Variants in AKT1S1 observed in about 807,000 individuals in gnomAD.
AKT1S1 encodes the protein AKT1 substrate 1, also known as proline-rich AKT1 substrate 1.
In AKT1S1, 17 loss-of-function variants were observed where a neutral mutation model predicts 21.2. The observed-to-expected ratio is 0.80, with a 90% CI of 0.55 to 1.20. AKT1S1 has a LOEUF of 1.20. Ranked by LOEUF, AKT1S1 falls within the 50% of genes most tolerant of loss-of-function variation. AKT1S1 has a pLI of 0.00. For synonymous variants in AKT1S1, 181 were observed against 165.6 expected, an observed-to-expected ratio of 1.09 and a Z score of -0.72; for missense variants, 366 against 368.3, an observed-to-expected ratio of 0.99 and a Z score of 0.05.
upstream of AKT1S1, chr19:49,878,028 T>C (rs1052554912): frequency 6.8e-6 from 6 of 883,550 alleles, no homozygotes; most frequent in East Asian, 5.5e-5. Flanking sequence ...CCCGGGGCAA[T>C]GGCCCTCCCG....
chr19:49,878,216 C>G (rs1250689785), upstream of AKT1S1: 3 of 1,561,946 alleles, frequency 1.9e-6, no homozygotes, highest in South Asian at 1.2e-5. Flanking sequence ...TCTCTCATCG[C>G]TGGTGTCATC....
intron 1 of AKT1S1, chr19:49,875,901 T>A (rs1374807440): frequency 1.0e-6 from 1 of 985,298 alleles, no homozygotes; most frequent in Non-Finnish European, 1.2e-6. Context: ...AGGTCCTGTT[T>A]CCTCCAAGGA....
Position 49,877,318 on chromosome 19 carries a change from A to T in AKT1S1, c.-89T>A, listed in dbSNP as rs747307094. The T allele has an allele frequency of 1.9e-5, 4 of 213,540 alleles. No individual in the cohort carries two copies. Among genetic ancestry groups the T allele is most frequent in the Non-Finnish European group, 3.8e-5 (4 of 105,570 alleles). The allele number at this position is 213,540 out of a possible 1,614,324, so 13.2% of individuals were successfully genotyped here. ...GACAGCCCCGTATTAACATGGCCTT[A>T]GCTGACCGGCTTAGGCCATGCCCTC... On this transcript the variant is annotated 5_prime_UTR_variant, in exon 1 of 5. Coordinates refer to ENST00000344175, the MANE Select transcript of AKT1S1 (RefSeq NM_001098633.4).
intron 2 of AKT1S1, 140 bp downstream of exon 2, chr19:49,872,777 G>GGCAAGCC: frequency 9.4e-7 from 1 of 1,066,946 alleles, no homozygotes; most frequent in Non-Finnish European, 1.3e-6. Flanking sequence ...GCAAGCCCCA[G>GGCAAGCC]GCAAGCCTGT....
chr19:49,877,934 G>A (rs1210324464), upstream of AKT1S1: 1 of 769,294 alleles, frequency 1.3e-6, no homozygotes, highest in East Asian at 2.8e-5. Flanking sequence ...CGCCCCCCCG[G>A]CTCAGGCGAC....
At chr19:49,877,992 G>A, upstream of AKT1S1, 1 of 759,418 alleles carries the variant, frequency 1.3e-6, no homozygotes, top group Non-Finnish European at 2.1e-6. Flanking sequence ...TCCGAACGCG[G>A]GCTGGACCAT....
intron 2 of AKT1S1, among the ~76,000 whole-genome samples, chr19:49,872,116 C>T (rs146875378): frequency 3.3e-5 from 5 of 152,320 alleles, no homozygotes; most frequent in Non-Finnish European, 5.9e-5. Flanking sequence ...CTGCACACAA[C>T]GGGCTGCTAA....
chr19:49,876,466 G>C, intron 1 of AKT1S1: 20 of 1,184,030 alleles, frequency 1.7e-5, no homozygotes, highest in Non-Finnish European at 2.2e-5. Flanking sequence ...CTCAGCAAAG[G>C]ATCGCTGGCA....
intron 1 of AKT1S1, among the ~76,000 whole-genome samples, chr19:49,875,452 C>A (rs955229146): frequency 1.3e-5 from 2 of 152,078 alleles, no homozygotes; most frequent in Admixed American, 1.3e-4. Flanking sequence ...ACTGCCCAGC[C>A]CCAAAACCCC....
At chr19:49,878,251 G>A (rs371372629), upstream of AKT1S1, 22 of 1,554,646 alleles carry the variant, frequency 1.4e-5, no homozygotes, top group Non-Finnish European at 1.8e-5. Flanking sequence ...GGTGCGCTGG[G>A]AGGGAGCAGG....
chr19:49,872,099 C>A (rs994536884), intron 2 of AKT1S1, among the ~76,000 whole-genome samples: 20 of 152,232 alleles, frequency 1.3e-4, no homozygotes, highest in African/African-American at 4.1e-4. Context: ...ATCTGCCACC[C>A]TCTCAGCTGC....
intron 1 of AKT1S1, chr19:49,876,469 C>G: frequency 8.4e-7 from 1 of 1,188,862 alleles, no homozygotes; most frequent in Admixed American, 4.2e-5. Context: ...AGCAAAGGAT[C>G]GCTGGCAGAC....
chr19:49,871,399 C>G (rs1025201552), intron 4 of AKT1S1, 148 bp downstream of exon 4: 2 of 1,071,024 alleles, frequency 1.9e-6, no homozygotes, highest in South Asian at 2.8e-5. Context: ...CTGCAAGGCT[C>G]GTGTCCAAGA....
rs2074943638 is a variant in AKT1S1 at position 49,876,316 on chromosome 19, C to T, written c.-8+921G>A. On this transcript the variant is annotated intron_variant, in intron 1 of 4. Transcript: ENST00000344175. ...ACGGGTGAGGGGCGCCCCGAGGCCC[C>T]CCAAACCATCCCCCGACCCCGTGGA... is the stretch of plus-strand genomic sequence containing the variant. The T allele has an allele frequency of 5.0e-6, 6 of 1,207,740 alleles. No individual in the cohort carries two copies. The East Asian group carries it at 2.0e-4, about 40-fold the overall frequency. The allele number at this position is 1,207,740 out of a possible 1,614,324, so 74.8% of individuals were successfully genotyped here.
intron 1 of AKT1S1, chr19:49,876,075 G>A: frequency 9.1e-6 from 9 of 985,894 alleles, no homozygotes; most frequent in Non-Finnish European, 1.1e-5. Context: ...GAGAGGGGTG[G>A]AACCACCCCT....
rs185785898 is a variant in AKT1S1, at chr19:49,875,755, C to A, written c.-8+1482G>T. 3.6e-3 allele frequency: 2,634 copies of A among 740,804 alleles called. 7 individuals are homozygous for A. The highest frequency in any genetic ancestry group is 4.1e-3 in the Non-Finnish European group (2,485 of 607,074). The allele number at this position is 740,804 out of a possible 1,614,324, so 45.9% of individuals were successfully genotyped here. On this transcript the variant is annotated intron_variant, in intron 1 of 4. Coordinates refer to ENST00000344175, the MANE Select transcript of AKT1S1 (RefSeq NM_001098633.4). ...GAGTGAGTTGTGAGGGCTCCCCCAA[C>A]TCAGGAGACATGAGCAAAAAGGACA...
At chr19:49,876,446 C>T (rs2074945354) in intron 1 of AKT1S1, among the ~76,000 whole-genome samples, 1 of 152,260 alleles carries the variant, frequency 6.6e-6, no homozygotes, top group African/African-American at 2.4e-5. Context: ...CGGGCGACCC[C>T]CTTCCAGCGC....
chr19:49,872,024 C>T, intron 2 of AKT1S1, 135 bp from the exon 3 acceptor site: 5 of 982,864 alleles, frequency 5.1e-6, no homozygotes, highest in Non-Finnish European at 7.7e-6. Flanking sequence ...ATTTCCTTCA[C>T]CTCAAAAACA....
chr19:49,869,909 C>T lies in AKT1S1; in HGVS notation c.*8G>A. Reference sequence around the variant, plus strand: ...CGGACGCGGCCCGGGGCGCTCCCTCCCTGGACTTCAATATTTCCGCTTCAG... The same window carrying T: ...CGGACGCGGCCCGGGGCGCTCCCTCTCTGGACTTCAATATTTCCGCTTCAG... On this transcript the variant is annotated 3_prime_UTR_variant, in exon 5 of 5. Coordinates refer to ENST00000344175, the MANE Select transcript of AKT1S1 (RefSeq NM_001098633.4). 6.6e-7 allele frequency: 1 copy of T among 1,506,420 alleles called. No homozygotes were observed. 93.3% of individuals were successfully genotyped at this position (1,506,420 alleles called of 1,614,324 possible). A position where few individuals can be genotyped will look rare whatever the true frequency, so the allele number is the denominator to read the frequency against.
Sources: gnomAD v4.1 joint callset for allele counts (sites outside exome capture counted in the v4.1 genomes callset) on GRCh38, gnomAD v4.1.1 for gene constraint, MANE v1.5 for transcripts, NCBI Gene and HGNC (gene_info 2026-07-23, HGNC 2026-07-21) for gene names.